The following CRADD variants were observed in gnomAD, a reference collection of about 807,000 sequenced individuals.
CRADD encodes the protein death domain-containing protein CRADD.
Under a neutral mutation model 15.5 loss-of-function variants are expected in CRADD, and 9 were observed. The ratio of observed to expected loss-of-function variants is 0.58; its 90% CI spans 0.35 to 1.01. The LOEUF (loss-of-function observed/expected upper bound fraction) is 1.01, where lower values mean the gene tolerates loss of function less well. Among genes scored for constraint, CRADD ranks in the 50% least tolerant of loss-of-function variants. The pLI is 0.02. For synonymous variants in CRADD, 118 were observed against 107.6 expected (o/e 1.10, Z -0.60); for missense variants, 227 against 250.3 (o/e 0.91, Z 0.63).
chr12:93,832,439 C>T (rs1432441662), intron 2 of CRADD, among the ~76,000 whole-genome samples: 3 of 152,196 alleles, frequency 2.0e-5, no homozygotes, highest in Non-Finnish European at 4.4e-5. Context: ...TACTGATAAT[C>T]TTACCCTTCT....
At chr12:93,811,324 C>T (rs1013592990) in intron 2 of CRADD, among the ~76,000 whole-genome samples, 1 of 152,212 alleles carries the variant, frequency 6.6e-6, no homozygotes, top group Non-Finnish European at 1.5e-5. Flanking sequence ...AAAAAAGTGA[C>T]TCTGTGGTTC....
At chr12:93,755,152 G>A (rs1956874445) in intron 2 of CRADD, among the ~76,000 whole-genome samples, 3 of 152,248 alleles carry the variant, frequency 2.0e-5, no homozygotes, top group Middle Eastern at 3.4e-3. Flanking sequence ...CATGAGAACA[G>A]CATGGGAAAA....
intron 2 of CRADD, among the ~76,000 whole-genome samples, chr12:93,685,907 C>T (rs1288292869): frequency 4.0e-5 from 6 of 151,490 alleles, no homozygotes; most frequent in African/African-American, 7.3e-5. Flanking sequence ...GCAGGAGAAT[C>T]GCTTGAACCT....
chr12:93,757,298 C>T (rs1338360173), intron 2 of CRADD, among the ~76,000 whole-genome samples: 2 of 152,166 alleles, frequency 1.3e-5, no homozygotes, highest in Non-Finnish European at 2.9e-5. Flanking sequence ...CTTGGTTTTA[C>T]TGTCTTCTCT....
intron 2 of CRADD, among the ~76,000 whole-genome samples, chr12:93,849,520 C>A (rs975171587): frequency 6.6e-6 from 1 of 152,096 alleles, no homozygotes; most frequent in Non-Finnish European, 1.5e-5. Context: ...GCAGGTGGAT[C>A]ACCTGAGGTC....
intron 2 of CRADD, among the ~76,000 whole-genome samples, chr12:93,744,934 TAAAAA>T (rs991240764): frequency 2.0e-5 from 3 of 152,224 alleles, no homozygotes; most frequent in African/African-American, 7.2e-5. Context: ...AATTGCATTT[TAAAAA>T]GAATGGTTTT....
rs755413922 is a variant in CRADD, at chr12:93,806,376, C to T, written c.299-43594C>T. Among the ~76,000 whole-genome samples the T allele has an allele frequency of 3.3e-4, 46 of 140,256 alleles. 1 individual carries two copies. The highest frequency in any genetic ancestry group is 1.1e-3 in the African/African-American group (41 of 38,604). The allele number at this position is 140,256 out of a possible 152,430, so 92.0% of individuals were successfully genotyped here. ...CTGAGGCAGGAGAATCACTTGAACCCGGGAGGCAGAGGTTGCAGTGAGCTG... is the reference window on the plus strand; with the variant it reads ...CTGAGGCAGGAGAATCACTTGAACCTGGGAGGCAGAGGTTGCAGTGAGCTG... On this transcript the variant is annotated intron_variant, in intron 2 of 2. Transcript: ENST00000332896.
intron 2 of CRADD, among the ~76,000 whole-genome samples, chr12:93,683,229 G>C (rs1415667521): frequency 6.6e-6 from 1 of 152,138 alleles, no homozygotes; most frequent in African/African-American, 2.4e-5. Context: ...ATCACGGTGG[G>C]AGTGACTCCT....
intron 2 of CRADD, among the ~76,000 whole-genome samples, chr12:93,752,774 G>A (rs1311631694): frequency 6.6e-6 from 1 of 152,154 alleles, no homozygotes; most frequent in East Asian, 1.9e-4. Flanking sequence ...GAGTGTATTA[G>A]TCTGTTTTCA....
chr12:93,865,244 C>A (rs1248214599), intron 2 of CRADD, among the ~76,000 whole-genome samples: 2 of 152,156 alleles, frequency 1.3e-5, no homozygotes, highest in African/African-American at 2.4e-5. Flanking sequence ...CCCCACTCCC[C>A]CAACCCCTGC....
chr12:93,879,185 T>C (rs1180958966), intron 2 of CRADD, among the ~76,000 whole-genome samples: 1 of 152,196 alleles, frequency 6.6e-6, no homozygotes, highest in Non-Finnish European at 1.5e-5. Flanking sequence ...ATTGAGTTTC[T>C]ATAATTTGTT....
At chr12:93,766,109 C>G (rs535698599) in intron 2 of CRADD, among the ~76,000 whole-genome samples, 1 of 152,138 alleles carries the variant, frequency 6.6e-6, no homozygotes, top group South Asian at 2.1e-4. Flanking sequence ...TGAGATATAG[C>G]TGGTAAATAT....
At chr12:93,835,365 A>G (rs370871152) in intron 2 of CRADD, among the ~76,000 whole-genome samples, 12 of 152,320 alleles carry the variant, frequency 7.9e-5, no homozygotes, top group African/African-American at 2.9e-4. Flanking sequence ...GTTCTGCTTG[A>G]AGAATTATTT....
At chr12:93,787,330 T>A (rs907316346) in intron 2 of CRADD, among the ~76,000 whole-genome samples, 6 of 130,834 alleles carry the variant, frequency 4.6e-5, no homozygotes, top group African/African-American at 1.2e-4. Flanking sequence ...TTTTTTTTTT[T>A]AATATCACAT....
chr12:93,850,135 A>G lies in CRADD; in HGVS notation c.464A>G (p.Asn155Ser). The change falls in exon 3 of 3, where the codon AAC becomes AGC. Residue 155 changes from asparagine to serine, a missense_variant. Transcript: ENST00000332896. The surrounding 1 kb of genome is among the most constrained non-coding windows in gnomAD (Gnocchi z 4.0). Reference sequence around the variant, plus strand: ...CGCTGTAAGGCCAACCACCCCCACAACGTGCAGTCGCAGGTGGTGGAGGCC... The same window carrying G: ...CGCTGTAAGGCCAACCACCCCCACAGCGTGCAGTCGCAGGTGGTGGAGGCC... ...IYRCKANHPH[N>S]VQSQVVEAFI... The G allele has an allele frequency of 3.1e-6, 5 of 1,614,000 alleles. No individual in the cohort carries two copies. The highest frequency in any genetic ancestry group is 4.2e-6 in the Non-Finnish European group (5 of 1,179,924).
chr12:93,804,918 T>C (rs1957519532), intron 2 of CRADD, among the ~76,000 whole-genome samples: 1 of 152,114 alleles, frequency 6.6e-6, no homozygotes. Context: ...CTCTGACAGA[T>C]GATTAATAAT....
chr12:93,792,983 T>C (rs1957367028), intron 2 of CRADD, among the ~76,000 whole-genome samples: 2 of 152,222 alleles, frequency 1.3e-5, no homozygotes, highest in South Asian at 4.1e-4. Flanking sequence ...GGATCACAGA[T>C]AACTGAAGAT....
intron 2 of CRADD, among the ~76,000 whole-genome samples, chr12:93,820,498 G>A (rs1431500673): frequency 2.0e-5 from 3 of 150,286 alleles, no homozygotes; most frequent in Admixed American, 2.0e-4. Flanking sequence ...GCAGTGAGCC[G>A]AGATCATACC....
At chr12:93,697,867 G>A (rs1955748452) in intron 2 of CRADD, among the ~76,000 whole-genome samples, 2 of 152,148 alleles carry the variant, frequency 1.3e-5, no homozygotes, top group Non-Finnish European at 2.9e-5. Context: ...TAGGTTTGAT[G>A]GCATGTGGAT....
Sources: allele counts gnomAD v4.1 joint callset (sites outside exome capture counted in the v4.1 genomes callset), GRCh38; gene constraint gnomAD v4.1.1; non-coding constraint Gnocchi (gnomAD v3.1); transcripts MANE v1.5; gene names NCBI Gene and HGNC (gene_info 2026-07-23, HGNC 2026-07-21).